ARHGEF26: variants seen among roughly 807,000 people sequenced by gnomAD.
ARHGEF26 encodes the protein Rho guanine nucleotide exchange factor 26.
Under a neutral mutation model 89.4 loss-of-function variants are expected in ARHGEF26, and 59 were observed. That is an observed-to-expected ratio of 0.66 (90% CI 0.54 to 0.82). The LOEUF is 0.82. Ranked by LOEUF, ARHGEF26 falls within the 40% of genes least tolerant of loss-of-function variation. ARHGEF26 has a pLI of 0.00. For missense variants in ARHGEF26, 1,234 were observed against 1,085.6 expected, an observed-to-expected ratio of 1.14 and a Z score of -1.92; for synonymous variants, 500 against 428.4, an observed-to-expected ratio of 1.17 and a Z score of -2.06.
intron 8 of ARHGEF26, among the ~76,000 whole-genome samples, chr3:154,194,190 T>C (rs529096426): frequency 4.6e-5 from 7 of 152,328 alleles, no homozygotes; most frequent in Admixed American, 4.6e-4. Flanking sequence ...ATGATTATAA[T>C]GGTGATAATT....
At chr3:154,230,629 C>G in intron 11 of ARHGEF26, among the ~76,000 whole-genome samples, 1 of 152,156 alleles carries the variant, frequency 6.6e-6, no homozygotes, top group East Asian at 1.9e-4. Flanking sequence ...ATTAGCTAAT[C>G]TAGCATCAGA....
chr3:154,240,388 C>T lies in ARHGEF26; in HGVS notation c.2109C>T (p.Val703=). 1.2e-6 allele frequency: 2 copies of T among 1,608,874 alleles called. No individual in the cohort carries two copies. Among genetic ancestry groups the T allele is most frequent in the Non-Finnish European group, 1.7e-6 (2 of 1,176,648 alleles). Reference sequence around the variant, plus strand: ...TTTACAGTGAAGAAAGTTACAACGTCAATGATTATTCCTTAAGAGATCAGC... The same window carrying T: ...TTTACAGTGAAGAAAGTTACAACGTTAATGATTATTCCTTAAGAGATCAGC... ...TKKKSEESYN[V]NDYSLRDQLL... The change falls in exon 12 of 15, where the codon GTC becomes GTT. Residue 703 remains valine, a synonymous_variant. Coordinates refer to ENST00000465093, the MANE Select transcript of ARHGEF26 (RefSeq NM_015595.4).
At chr3:154,160,480 G>A (rs1454556949) in intron 6 of ARHGEF26, among the ~76,000 whole-genome samples, 1 of 152,032 alleles carries the variant, frequency 6.6e-6, no homozygotes, top group Non-Finnish European at 1.5e-5. Flanking sequence ...AAAAATCCCA[G>A]TAAAAATGAT....
At position 154,256,832 on chromosome 3, in the gene ARHGEF26, CTG is replaced by C. The variant is rs1491134324; in HGVS notation, c.*1362_*1363del. On this transcript the variant is annotated 3_prime_UTR_variant, in exon 15 of 15. Transcript: ENST00000465093. ...TTGCTGTATTCAGAGTCCCTCTTAA[CTG>C]TGAGTTTCTATAGAACTTTACTTTT... 2.6e-6 allele frequency: 4 copies of C among 1,528,818 alleles called. No homozygotes were observed. In the African/African-American group the frequency reaches 4.1e-5, roughly 16 times the overall value. The allele number at this position is 1,528,818 out of a possible 1,614,324, so 94.7% of individuals were successfully genotyped here. A position where few individuals can be genotyped will look rare whatever the true frequency, so the allele number is the denominator to read the frequency against.
In ARHGEF26 at chr3:154,122,002, G is replaced by C. The variant is rs1460975707; in HGVS notation, c.10G>C (p.Glu4Gln). 6.3e-7 allele frequency: 1 copy of C among 1,591,536 alleles called. No homozygotes were observed. Among genetic ancestry groups the C allele is most frequent in the African/African-American group, 1.3e-5 (1 of 74,542 alleles). The change falls in exon 2 of 15, where the codon GAG (glutamate) becomes CAG (glutamine). Residue 4 changes from glutamate to glutamine, a missense_variant. Coordinates refer to ENST00000465093, the MANE Select transcript of ARHGEF26 (RefSeq NM_015595.4). ...ACTTCGAGGCCCGGCTATGGACGGC[G>C]AGAGCGAGGTGGATTTTTCTAGCAA... MDG[E>Q]SEVDFSSNSI...
chr3:154,145,570 G>A (rs1369371436), intron 4 of ARHGEF26, among the ~76,000 whole-genome samples: 1 of 152,166 alleles, frequency 6.6e-6, no homozygotes, highest in African/African-American at 2.4e-5. Context: ...TTTTTGGTTT[G>A]TGAGGCTTTT....
At chr3:154,149,305 G>A (rs1454335885) in intron 4 of ARHGEF26, 84 bp from the exon 5 acceptor site, 2 of 994,678 alleles carry the variant, frequency 2.0e-6, no homozygotes, top group Non-Finnish European at 3.0e-6. Flanking sequence ...TTTTTGAAGG[G>A]CATAGAGTTA....
intron 9 of ARHGEF26, among the ~76,000 whole-genome samples, chr3:154,199,951 G>C (rs907930031): frequency 6.6e-6 from 1 of 151,910 alleles, no homozygotes; most frequent in Non-Finnish European, 1.5e-5. Flanking sequence ...ATGTATTCTG[G>C]TTATTAATCC....
chr3:154,171,979 C>T (rs922586651), intron 6 of ARHGEF26, among the ~76,000 whole-genome samples: 26 of 152,040 alleles, frequency 1.7e-4, no homozygotes, highest in Admixed American at 7.2e-4. Context: ...TTTTTTTCTT[C>T]TTCTTCCATA....
intron 7 of ARHGEF26, 136 bp downstream of exon 7, chr3:154,187,973 T>G (rs886733074): frequency 3.3e-5 from 29 of 888,402 alleles, no homozygotes; most frequent in Non-Finnish European, 4.1e-5. Context: ...GAGAAATGTT[T>G]AAGAGCATTA....
At chr3:154,136,594 CTG>C (rs1719023590) in intron 4 of ARHGEF26, among the ~76,000 whole-genome samples, 1 of 152,174 alleles carries the variant, frequency 6.6e-6, no homozygotes, top group Non-Finnish European at 1.5e-5. Context: ...AGAATTTACT[CTG>C]TGCTTATTGT....
In ARHGEF26 at chr3:154,122,542, T is replaced by C. The variant is rs1307057932; in HGVS notation, c.550T>C (p.Ser184Pro). ...TANGLAANND[S>P]PGSGSQSGRK... is the part of the protein sequence containing the mutation. The stretch of plus-strand genomic sequence containing the variant: ...AAATGGCCTTGCCGCTAATAACGAC[T>C]CTCCTGGGTCAGGTTCGCAGTCCGG... Residue 184 changes from serine (S) to proline (P), a missense_variant, in exon 2 of 15, where the codon TCT becomes CCT. Transcript: ENST00000465093. The C allele has an allele frequency of 6.2e-7, 1 of 1,613,340 alleles. No individual in the cohort carries two copies. The highest frequency in any genetic ancestry group is 1.1e-5 in the South Asian group (1 of 91,076).
At chr3:154,218,843 G>C (rs1715941443) in intron 10 of ARHGEF26, among the ~76,000 whole-genome samples, 1 of 152,196 alleles carries the variant, frequency 6.6e-6, no homozygotes, top group Non-Finnish European at 1.5e-5. Flanking sequence ...TTTTATGAAT[G>C]AGGAAAAGAA....
At chr3:154,239,382 G>A (rs577554065) in intron 11 of ARHGEF26, among the ~76,000 whole-genome samples, 16 of 149,512 alleles carry the variant, frequency 1.1e-4, no homozygotes, top group Middle Eastern at 3.5e-3. Context: ...AGCCAGCAGT[G>A]AAACTCAAGG....
intron 9 of ARHGEF26, among the ~76,000 whole-genome samples, chr3:154,206,853 C>T (rs1018932983): frequency 1.3e-5 from 2 of 152,178 alleles, no homozygotes; most frequent in African/African-American, 2.4e-5. Context: ...CAGTACCTGA[C>T]TTCAAACTAT....
rs1355759804 is a variant in ARHGEF26, at chr3:154,159,050, C to CT, written c.1487+6119dup. ...AACCCTTCTCCCATATTTAGAAACT[C>CT]TAAGGTCTAAATAAGGTCTTTTGTG... On this transcript the variant is annotated intron_variant, in intron 6 of 14. Transcript: ENST00000465093. 2.6e-5 allele frequency among the ~76,000 whole-genome samples: 4 copies of CT among 151,990 alleles called. No homozygotes were observed. In the South Asian group the frequency reaches 8.3e-4, roughly 31 times the overall value.
rs1272766332 is a variant in ARHGEF26 at position 154,217,828 on chromosome 3, C to T, written c.1846-41C>T. ...TTCTGCTTTTGAAAGTGAGGTTTCT[C>T]TCCTTGACCTTTAACCCTCGTTACT... On this transcript the variant is annotated intron_variant, in intron 9 of 14. Transcript: ENST00000465093. The T allele has an allele frequency of 2.0e-6, 3 of 1,484,128 alleles. No homozygotes were observed. The Admixed American group carries it at 5.8e-5, about 29-fold the overall frequency. 91.9% of individuals were successfully genotyped at this position (1,484,128 alleles called of 1,614,324 possible). A position where few individuals can be genotyped will look rare whatever the true frequency, so the allele number is the denominator to read the frequency against.
chr3:154,137,403 C>A (rs1433404888), intron 4 of ARHGEF26, among the ~76,000 whole-genome samples: 1 of 152,186 alleles, frequency 6.6e-6, no homozygotes, highest in Non-Finnish European at 1.5e-5. Context: ...CCTGGAACTT[C>A]TTAGCCTCTA....
At position 154,187,668 on chromosome 3, in the gene ARHGEF26, T is replaced by C. The variant is rs1386617980; in HGVS notation, c.1488-17T>C. 1.9e-6 allele frequency: 3 copies of C among 1,583,010 alleles called. No homozygotes were observed. The highest frequency in any genetic ancestry group is 2.3e-5 in the East Asian group (1 of 44,394). On this transcript the variant is annotated splice_polypyrimidine_tract_variant and intron_variant, in intron 6 of 14. Coordinates refer to ENST00000465093, the MANE Select transcript of ARHGEF26 (RefSeq NM_015595.4). ...TATGAAAGAAGTGTTAATTTTTTTT[T>C]CCCTTTGGTTTTTCAGGTTCTTTAT...
Sources: allele counts gnomAD v4.1 joint callset (sites outside exome capture counted in the v4.1 genomes callset), GRCh38; gene constraint gnomAD v4.1.1; transcripts MANE v1.5; gene names NCBI Gene and HGNC (gene_info 2026-07-23, HGNC 2026-07-21).